Variants in MGAT4C observed in about 807,000 individuals in gnomAD.
The protein encoded by MGAT4C is alpha-1,3-mannosyl-glycoprotein 4-beta-N-acetylglucosaminyltransferase C.
In MGAT4C, 19 loss-of-function variants were observed where a neutral mutation model predicts 40.1. The ratio of observed to expected loss-of-function variants is 0.47; its 90% CI spans 0.33 to 0.70. The LOEUF is 0.70. MGAT4C is among the 30% of genes least tolerant of loss of function. The pLI is 0.02. For missense variants in MGAT4C, 491 were observed against 563.2 expected, an observed-to-expected ratio of 0.87 and a Z score of 1.30; for synonymous variants, 181 against 187.1, an observed-to-expected ratio of 0.97 and a Z score of 0.27.
chr12:86,466,185 G>C (rs1436429126), intron 2 of MGAT4C, among the ~76,000 whole-genome samples: 1 of 148,966 alleles, frequency 6.7e-6, no homozygotes, highest in Non-Finnish European at 1.5e-5. Flanking sequence ...CTCCAGCCTG[G>C]GGGCAAGAGA....
At chr12:86,483,862 A>G (rs1219919670) in intron 2 of MGAT4C, among the ~76,000 whole-genome samples, 1 of 147,482 alleles carries the variant, frequency 6.8e-6, no homozygotes, top group Non-Finnish European at 1.5e-5. Context: ...AGGAAGTGCC[A>G]CTTGCACAGA....
At chr12:86,147,301 C>G (rs912179065) in intron 1 of MGAT4C, among the ~76,000 whole-genome samples, 2 of 151,624 alleles carry the variant, frequency 1.3e-5, no homozygotes, top group African/African-American at 2.4e-5. Context: ...GAGTGCAGTG[C>G]CGCGATCTCA....
At chr12:86,677,665 TTAAA>T (rs772384014) in intron 2 of MGAT4C, among the ~76,000 whole-genome samples, 2 of 152,294 alleles carry the variant, frequency 1.3e-5, no homozygotes, top group Non-Finnish European at 2.9e-5. Flanking sequence ...TTAATTATTC[TTAAA>T]TAATCAATCT....
chr12:86,405,900 A>G (rs1248371539), intron 3 of MGAT4C, among the ~76,000 whole-genome samples: 2 of 114,870 alleles, frequency 1.7e-5, no homozygotes, highest in Non-Finnish European at 3.7e-5. Context: ...AACTGGACAT[A>G]CATAGGTAAT....
In MGAT4C at chr12:86,433,510, T is replaced by G. The variant is rs1422647019; in HGVS notation, c.-120+1647A>C. Among the ~76,000 whole-genome samples, 3 of 151,974 alleles carry G rather than the reference T, an allele frequency of 2.0e-5. No individual in the cohort carries two copies. In the South Asian group the frequency reaches 6.2e-4, roughly 31 times the overall value. On this transcript the variant is annotated intron_variant, in intron 3 of 7. Transcript: ENST00000548651. ...TTAAGAGTGCAGAAACCACAGAAATTTAAAGCAAATATATTTTTTTTTACT... is the reference window on the plus strand; with the variant it reads ...TTAAGAGTGCAGAAACCACAGAAATGTAAAGCAAATATATTTTTTTTTACT...
intron 1 of MGAT4C, among the ~76,000 whole-genome samples, chr12:86,156,418 G>A (rs1031523715): frequency 2.6e-5 from 4 of 152,092 alleles, no homozygotes; most frequent in Middle Eastern, 6.3e-3. Context: ...CGTGTCCCAG[G>A]TTCAAGCGAT....
chr12:86,349,679 G>A (rs192706934), intron 3 of MGAT4C, among the ~76,000 whole-genome samples: 42 of 152,158 alleles, frequency 2.8e-4, no homozygotes, highest in Non-Finnish European at 2.9e-5. Context: ...AAAACTTCAA[G>A]TTAATTTACT....
chr12:86,169,545 T>C (rs1286158082), intron 1 of MGAT4C, among the ~76,000 whole-genome samples: 1 of 152,216 alleles, frequency 6.6e-6, no homozygotes, highest in African/African-American at 2.4e-5. Flanking sequence ...AGCAGATACA[T>C]ATCCAACAAT....
intron 2 of MGAT4C, among the ~76,000 whole-genome samples, chr12:86,575,801 T>C (rs973773047): frequency 5.9e-5 from 9 of 151,862 alleles, no homozygotes; most frequent in Non-Finnish European, 1.2e-4. Context: ...TCCCTAGTGA[T>C]TGTATTAATT....
At chr12:86,820,741 A>G (rs1952691028) in intron 1 of MGAT4C, among the ~76,000 whole-genome samples, 1 of 150,940 alleles carries the variant, frequency 6.6e-6, no homozygotes, top group African/African-American at 2.4e-5. Context: ...TCTTGAATTT[A>G]GTAAGATTAG....
At chr12:86,363,493 G>A (rs1955527912) in intron 3 of MGAT4C, among the ~76,000 whole-genome samples, 1 of 151,884 alleles carries the variant, frequency 6.6e-6, no homozygotes, top group Non-Finnish European at 1.5e-5. Context: ...AGCATTGAAT[G>A]CTTACATTAG....
chr12:86,750,164 T>C (rs1951213379), intron 1 of MGAT4C, among the ~76,000 whole-genome samples: 1 of 151,822 alleles, frequency 6.6e-6, no homozygotes, highest in East Asian at 1.9e-4. Context: ...GTAACTTTAT[T>C]CAAATGTGGC....
intron 2 of MGAT4C, among the ~76,000 whole-genome samples, chr12:86,621,475 G>A (rs988164329): frequency 1.3e-5 from 2 of 152,002 alleles, no homozygotes; most frequent in Non-Finnish European, 2.9e-5. Context: ...TTGTTTGATC[G>A]GTTGGCTGGT....
intron 1 of MGAT4C, among the ~76,000 whole-genome samples, chr12:86,769,783 C>T (rs1348211162): frequency 6.6e-6 from 1 of 152,070 alleles, no homozygotes; most frequent in East Asian, 1.9e-4. Context: ...CCAAACACCG[C>T]ATGTTCTCAC....
At chr12:86,640,866 T>C (rs190712794) in intron 2 of MGAT4C, among the ~76,000 whole-genome samples, 84 of 152,070 alleles carry the variant, frequency 5.5e-4, no homozygotes, top group Non-Finnish European at 9.0e-4. Context: ...ATGTACCCAG[T>C]AGTCATTCAG....
At chr12:86,455,192 T>C (rs1957490145) in intron 2 of MGAT4C, among the ~76,000 whole-genome samples, 1 of 152,156 alleles carries the variant, frequency 6.6e-6, no homozygotes, top group African/African-American at 2.4e-5. Context: ...GTTTCTGTTC[T>C]ATTCCAGTAT....
chr12:86,792,328 T>C (rs1952036908), intron 1 of MGAT4C, among the ~76,000 whole-genome samples: 1 of 152,090 alleles, frequency 6.6e-6, no homozygotes, highest in African/African-American at 2.4e-5. Flanking sequence ...TAGAAGAAAA[T>C]GTATCCTTGA....
intron 2 of MGAT4C, among the ~76,000 whole-genome samples, chr12:86,504,470 A>T (rs1230187084): frequency 6.6e-6 from 1 of 152,194 alleles, no homozygotes; most frequent in Admixed American, 6.6e-5. Context: ...AAGCTACTGC[A>T]TGTATACATA....
intron 3 of MGAT4C, among the ~76,000 whole-genome samples, chr12:86,339,712 T>C (rs912061886): frequency 6.6e-6 from 1 of 152,040 alleles, no homozygotes; most frequent in African/African-American, 2.4e-5. Flanking sequence ...TTCTATCTTA[T>C]AGTATATACA....
Sources: gnomAD v4.1 joint callset for allele counts (sites outside exome capture counted in the v4.1 genomes callset) on GRCh38, gnomAD v4.1.1 for gene constraint, MANE v1.5 for transcripts, NCBI Gene and HGNC (gene_info 2026-07-23, HGNC 2026-07-21) for gene names.